Variants in MYO18A observed in about 807,000 individuals in gnomAD.
The protein encoded by MYO18A is unconventional myosin-XVIIIa.
Under a neutral mutation model 235.8 loss-of-function variants are expected in MYO18A, and 78 were observed. The observed-to-expected ratio is 0.33, with a 90% CI of 0.28 to 0.40. The LOEUF (loss-of-function observed/expected upper bound fraction) is 0.40, where lower values mean the gene tolerates loss of function less well. Ranked by LOEUF, MYO18A falls within the 10% of genes least tolerant of loss-of-function variation. The probability of loss-of-function intolerance (pLI) is 1.00; values close to 1 mark genes in which losing one functional copy is unlikely to be tolerated. For missense variants in MYO18A, 2,215 were observed against 2,699.3 expected (o/e 0.82, Z 3.98); for synonymous variants, 977 against 1,077.8 (o/e 0.91, Z 1.83).
Position 29,129,958 on chromosome 17 carries a change from C to T in MYO18A, c.1000-7705G>A, listed in dbSNP as rs373433575. ...CTAGCCACTGGATCCTACACTCCTC[C>T]CCTCCCTCTTCTGGCTTTCCTCCCA... On this transcript the variant is annotated intron_variant, in intron 2 of 41. Coordinates refer to ENST00000527372, the MANE Select transcript of MYO18A (RefSeq NM_078471.4). Among the ~76,000 whole-genome samples the T allele has an allele frequency of 7.9e-5, 12 of 152,290 alleles. No homozygotes were observed. The East Asian group carries it at 1.5e-3, about 20-fold the overall frequency.
At chr17:29,107,456 C>T in intron 19 of MYO18A, 1 of 441,092 alleles carries the variant, frequency 2.3e-6, no homozygotes, top group Non-Finnish European at 4.2e-6. Flanking sequence ...GAAGTAAGCT[C>T]CTAGTAGTCA....
intron 2 of MYO18A, among the ~76,000 whole-genome samples, chr17:29,151,959 G>A (rs765331407): frequency 6.6e-6 from 1 of 152,182 alleles, no homozygotes; most frequent in Non-Finnish European, 1.5e-5. Context: ...AGGACACGGT[G>A]GAGAATGGAC....
At chr17:29,082,043 T>C (rs1025993786) in intron 41 of MYO18A, among the ~76,000 whole-genome samples, 3 of 152,336 alleles carry the variant, frequency 2.0e-5, no homozygotes, top group African/African-American at 4.8e-5. Flanking sequence ...TGATCAACAT[T>C]TGTTGAATGA....
Position 29,074,878 on chromosome 17 carries a change from C to T in MYO18A, c.6057G>A (p.Arg2019=). 6.2e-7 allele frequency: 1 copy of T among 1,613,874 alleles called. No homozygotes were observed. The highest frequency in any genetic ancestry group is 8.5e-7 in the Non-Finnish European group (1 of 1,179,860). ...TSYWKSLAPD[R]SDDEHDPLDN... is the part of the protein sequence containing the mutation. ...CGAGAGGGTCGTGCTCATCATCTGA[C>T]CGATCAGGGGCAAGGGACTTCCAGT... Residue 2019 remains arginine (R), a synonymous_variant, in exon 42 of 42, where the codon CGG becomes CGA. Coordinates refer to ENST00000527372, the MANE Select transcript of MYO18A (RefSeq NM_078471.4). The surrounding 1 kb of genome is among the most constrained non-coding windows in gnomAD (Gnocchi z 4.4).
At chr17:29,148,907 G>C (rs1441241050) in intron 2 of MYO18A, among the ~76,000 whole-genome samples, 1 of 152,184 alleles carries the variant, frequency 6.6e-6, no homozygotes, top group African/African-American at 2.4e-5. Context: ...GGCCCGGGGC[G>C]GCACTTCCCG....
intron 2 of MYO18A, among the ~76,000 whole-genome samples, chr17:29,156,528 T>C (rs1796868537): frequency 6.6e-6 from 1 of 152,154 alleles, no homozygotes; most frequent in South Asian, 2.1e-4. Flanking sequence ...TAGAGACAAG[T>C]CACCAAGGTC....
chr17:29,094,623 C>A (rs1482522145), intron 30 of MYO18A, 27 bp downstream of exon 30: 2 of 1,613,128 alleles, frequency 1.2e-6, no homozygotes, highest in Non-Finnish European at 8.5e-7. Context: ...TGCACCTCAC[C>A]TCTCCCTTGG....
At chr17:29,130,573 C>G (rs937415748) in intron 2 of MYO18A, among the ~76,000 whole-genome samples, 5 of 150,888 alleles carry the variant, frequency 3.3e-5, no homozygotes, top group African/African-American at 4.9e-5. Flanking sequence ...GTTTGCAGAT[C>G]AGGTGGAAGC....
chr17:29,142,856 G>A (rs2067770004), intron 2 of MYO18A, among the ~76,000 whole-genome samples: 1 of 152,242 alleles, frequency 6.6e-6, no homozygotes, highest in Non-Finnish European at 1.5e-5. Context: ...TCTATCGGCT[G>A]GAGTACAGTG....
Position 29,074,739 on chromosome 17 carries a change from G to C in MYO18A, c.*31C>G. On this transcript the variant is annotated 3_prime_UTR_variant, in exon 42 of 42. Coordinates refer to ENST00000527372, the MANE Select transcript of MYO18A (RefSeq NM_078471.4). This position sits in a 1 kb window ranked among gnomAD's most constrained non-coding sequence, Gnocchi z 4.4. Reference sequence around the variant, plus strand: ...GGTGCCCAGGCAGCCACAGGCCCTGGGGTGAGAGGGCTGCCAACCACTCCC... The same window carrying C: ...GGTGCCCAGGCAGCCACAGGCCCTGCGGTGAGAGGGCTGCCAACCACTCCC... 2 of 1,612,368 alleles carry C rather than the reference G, an allele frequency of 1.2e-6. No individual in the cohort carries two copies. The highest frequency in any genetic ancestry group is 8.5e-7 in the Non-Finnish European group (1 of 1,178,590).
intron 2 of MYO18A, among the ~76,000 whole-genome samples, chr17:29,142,958 C>T (rs1252709841): frequency 6.6e-6 from 1 of 152,204 alleles, no homozygotes; most frequent in East Asian, 1.9e-4. Flanking sequence ...CAGGCAGGCG[C>T]CACCACGCCC....
chr17:29,082,829 TTTC>T (rs1379697828), intron 40 of MYO18A, among the ~76,000 whole-genome samples: 11 of 152,212 alleles, frequency 7.2e-5, no homozygotes, highest in Non-Finnish European at 1.0e-4. Flanking sequence ...TACTCTGCTG[TTTC>T]TTGTCTGCCA....
rs575793389 is a variant in MYO18A, at chr17:29,112,863, A to C, written c.2599-1000T>G. Among the ~76,000 whole-genome samples the C allele has an allele frequency of 3.3e-5, 5 of 152,386 alleles. No homozygotes were observed. The East Asian group carries it at 9.6e-4, about 29-fold the overall frequency. ...CCAGAAGGAAGCAGAATGTGGCCAA[A>C]GGCCAAGGCAACTCTAGTGGCAGGA... On this transcript the variant is annotated intron_variant, in intron 15 of 41. Transcript: ENST00000527372.
In MYO18A at chr17:29,138,460, T is replaced by C. The variant is rs373968820; in HGVS notation, c.1000-16207A>G. 2.0e-3 allele frequency among the ~76,000 whole-genome samples: 297 copies of C among 152,196 alleles called. 2 individuals carry two copies. Among genetic ancestry groups the C allele is most frequent in the South Asian group, 0.016 (77 of 4,822 alleles). ...GGGCAGCTCCCAGGAGACTTCTTCC[T>C]CCCAGTCCCAACCTAGCACCAACTT... On this transcript the variant is annotated intron_variant, in intron 2 of 41. Coordinates refer to ENST00000527372, the MANE Select transcript of MYO18A (RefSeq NM_078471.4).
chr17:29,146,917 G>A (rs533516189), intron 2 of MYO18A, among the ~76,000 whole-genome samples: 23 of 152,306 alleles, frequency 1.5e-4, no homozygotes, highest in African/African-American at 5.5e-4. Context: ...ATGAAAGCAA[G>A]GTGGGCAGTC....
chr17:29,167,007 T>G lies in MYO18A; in HGVS notation c.-67A>C. On this transcript the variant is annotated 5_prime_UTR_variant, in exon 2 of 42. Transcript: ENST00000527372. Reference sequence around the variant, plus strand: ...ATGAGTGCTTAGCACAGGGCCTTGGTGCCCCACTTTGCTGCTGCAAACAGA... The same window carrying G: ...ATGAGTGCTTAGCACAGGGCCTTGGGGCCCCACTTTGCTGCTGCAAACAGA... 6.9e-7 allele frequency: 1 copy of G among 1,452,488 alleles called. No individual in the cohort carries two copies. The highest frequency in any genetic ancestry group is 9.1e-7 in the Non-Finnish European group (1 of 1,100,542). 90.0% of individuals were successfully genotyped at this position (1,452,488 alleles called of 1,614,324 possible).
rs2067474275 is a variant in MYO18A, at chr17:29,131,542, G to A, written c.1000-9289C>T. The A allele has an allele frequency of 8.3e-6, 4 of 481,748 alleles. No homozygotes were observed. The South Asian group carries it at 2.6e-4, about 32-fold the overall frequency. The allele number at this position is 481,748 out of a possible 1,614,324, so 29.8% of individuals were successfully genotyped here. The stretch of plus-strand genomic sequence containing the variant: ...ATTCAAGGGGCCTCCCTCACCCTGA[G>A]GTGGAGCTCCTGAGTCTTTAGGAAT... On this transcript the variant is annotated intron_variant, in intron 2 of 41. Transcript: ENST00000527372.
chr17:29,099,055 AGGCCCCCAGGGCTGCTCCTCT>A, intron 22 of MYO18A, 86 bp from the exon 23 acceptor site: 1 of 1,540,706 alleles, frequency 6.5e-7, no homozygotes, highest in South Asian at 1.2e-5. Flanking sequence ...CCACCAGCAC[AGGCCCCCAGGGCTGCTCCTCT>A]GGCCCCCTGA....
Position 29,120,035 on chromosome 17 carries a change from C to G in MYO18A, c.1728+581G>C, listed in dbSNP as rs1002637510. On this transcript the variant is annotated intron_variant, in intron 7 of 41. Transcript: ENST00000527372. This position sits in a 1 kb window ranked among gnomAD's most constrained non-coding sequence, Gnocchi z 4.2. ...GGACCACAGGCGTGCACTACCACATCTGGCTCAATTAAGCAGGTGCATCTT... is the reference window on the plus strand; with the variant it reads ...GGACCACAGGCGTGCACTACCACATGTGGCTCAATTAAGCAGGTGCATCTT... Among the ~76,000 whole-genome samples the G allele has an allele frequency of 3.9e-5, 6 of 152,314 alleles. No individual in the cohort carries two copies. The highest frequency in any genetic ancestry group is 3.4e-3 in the Middle Eastern group (1 of 294).
Sources: gnomAD v4.1 joint callset for allele counts (sites outside exome capture counted in the v4.1 genomes callset) on GRCh38, gnomAD v4.1.1 for gene constraint, Gnocchi (gnomAD v3.1) non-coding constraint, MANE v1.5 for transcripts, NCBI Gene and HGNC (gene_info 2026-07-23, HGNC 2026-07-21) for gene names.